The following LIPC variants were observed in gnomAD, a reference collection of about 807,000 sequenced individuals.
LIPC encodes hepatic triacylglycerol lipase.
A neutral mutation model predicts 50.7 loss-of-function variants in LIPC; 44 were observed. That is an observed-to-expected ratio of 0.87 (90% CI 0.68 to 1.11). The LOEUF (loss-of-function observed/expected upper bound fraction) is 1.11. Ranked by LOEUF, LIPC falls within the 50% of genes most tolerant of loss-of-function variation. The pLI is 0.00. For synonymous variants in LIPC, 271 were observed against 256.4 expected, an observed-to-expected ratio of 1.06 and a Z score of -0.54; for missense variants, 697 against 648.2, an observed-to-expected ratio of 1.08 and a Z score of -0.82.
At chr15:58,432,640 G>A (rs1456292345) in intron 1 of LIPC, among the ~76,000 whole-genome samples, 1 of 152,190 alleles carries the variant, frequency 6.6e-6, no homozygotes, top group Non-Finnish European at 1.5e-5. Context: ...ATTTTAGTCT[G>A]AGGCTGAAGA....
chr15:58,450,886 C>T (rs555501480), intron 1 of LIPC, among the ~76,000 whole-genome samples: 86 of 152,334 alleles, frequency 5.6e-4, no homozygotes, highest in Non-Finnish European at 8.4e-4. Context: ...TAAAGGGGTA[C>T]AGTCTAAGGA....
At chr15:58,515,533 C>CACATAT (rs147594972) in intron 1 of LIPC, among the ~76,000 whole-genome samples, 5,539 of 141,464 alleles carry the variant, frequency 0.039, 203 homozygotes, top group African/African-American at 0.096. Flanking sequence ...TATACACACA[C>CACATAT]ATATATATAT....
At chr15:58,462,933 A>G (rs1894408810) in intron 1 of LIPC, among the ~76,000 whole-genome samples, 1 of 152,226 alleles carries the variant, frequency 6.6e-6, no homozygotes, top group Non-Finnish European at 1.5e-5. Flanking sequence ...AGCACTGCAC[A>G]GGCTGTGGAT....
At chr15:58,463,744 C>T (rs1037710249) in intron 1 of LIPC, among the ~76,000 whole-genome samples, 1 of 152,178 alleles carries the variant, frequency 6.6e-6, no homozygotes, top group East Asian at 1.9e-4. Context: ...GTCAGTTTTC[C>T]ACTTTTCCAT....
Position 58,493,753 on chromosome 15 carries a change from TATA to T in LIPC, c.89-44576_89-44574del, listed in dbSNP as rs1413118991. ...AATATTTTTTAAATGTTAATATATC[TATA>T]ATATTTATATATTTGAATATATAAG... On this transcript the variant is annotated intron_variant, in intron 1 of 8. Transcript: ENST00000299022. Among the ~76,000 whole-genome samples, 4 of 148,610 alleles carry T rather than the reference TATA, an allele frequency of 2.7e-5. No homozygotes were observed. The East Asian group carries it at 5.8e-4, about 22-fold the overall frequency.
intron 1 of LIPC, among the ~76,000 whole-genome samples, chr15:58,443,757 G>A (rs1217764950): frequency 6.6e-6 from 1 of 152,220 alleles, no homozygotes; most frequent in African/African-American, 2.4e-5. Context: ...CAGGCGGGCT[G>A]AGTCTGAAAA....
intron 8 of LIPC, chr15:58,565,429 C>T (rs867729837): frequency 6.9e-5 from 99 of 1,429,202 alleles, no homozygotes; most frequent in African/African-American, 6.7e-4. Flanking sequence ...CCATGTGGTA[C>T]GGAAGAAGAA....
chr15:58,481,739 C>T (rs558411458), intron 1 of LIPC, among the ~76,000 whole-genome samples: 3 of 152,176 alleles, frequency 2.0e-5, no homozygotes, highest in Non-Finnish European at 4.4e-5. Flanking sequence ...GCAGAGGTTA[C>T]GGTGAGCCGA....
chr15:58,467,763 C>T (rs912535345), intron 1 of LIPC, among the ~76,000 whole-genome samples: 1 of 152,158 alleles, frequency 6.6e-6, no homozygotes. Flanking sequence ...CTCACTGTTG[C>T]GCAGTGGTTT....
At chr15:58,552,050 T>C (rs1893781689) in intron 6 of LIPC, among the ~76,000 whole-genome samples, 1 of 152,184 alleles carries the variant, frequency 6.6e-6, no homozygotes, top group Non-Finnish European at 1.5e-5. Flanking sequence ...CTTTACCAGT[T>C]TGGGAGCCTG....
chr15:58,436,721 A>G (rs1305495732), intron 1 of LIPC: 1 of 456,158 alleles, frequency 2.2e-6, no homozygotes, highest in Non-Finnish European at 4.4e-6. Context: ...TGAGAGAGGA[A>G]TGAGTAGAGA....
At chr15:58,504,242 G>C (rs1190207727) in intron 1 of LIPC, among the ~76,000 whole-genome samples, 1 of 152,160 alleles carries the variant, frequency 6.6e-6, no homozygotes, top group Non-Finnish European at 1.5e-5. Context: ...CCCCATCTGG[G>C]GTTGTAACCT....
intron 7 of LIPC, among the ~76,000 whole-genome samples, chr15:58,562,811 C>CCT (rs879508987): frequency 3.3e-5 from 5 of 151,734 alleles, no homozygotes; most frequent in African/African-American, 1.2e-4. Context: ...AGGGACCCCC[C>CCT]CCCAACCCCA....
chr15:58,498,214 CT>C (rs1891842877), intron 1 of LIPC, among the ~76,000 whole-genome samples: 1 of 152,190 alleles, frequency 6.6e-6, no homozygotes, highest in African/African-American at 2.4e-5. Flanking sequence ...ATAGTCTCCC[CT>C]ATCTCAAATC....
intron 8 of LIPC, among the ~76,000 whole-genome samples, chr15:58,564,843 G>A (rs564326543): frequency 2.0e-5 from 3 of 152,242 alleles, no homozygotes; most frequent in East Asian, 1.9e-4. Flanking sequence ...CGTGCTTTTC[G>A]GTCATCCGTG....
chr15:58,568,537 A>G (rs1213819127), intron 8 of LIPC, among the ~76,000 whole-genome samples, 179 bp from the exon 9 acceptor site: 1 of 152,240 alleles, frequency 6.6e-6, no homozygotes, highest in East Asian at 1.9e-4. Flanking sequence ...GATGGCTTTC[A>G]CTGACTTGGG....
intron 1 of LIPC, among the ~76,000 whole-genome samples, chr15:58,537,167 C>A (rs958366165): frequency 6.6e-6 from 1 of 152,198 alleles, no homozygotes; most frequent in Non-Finnish European, 1.5e-5. Flanking sequence ...AGAAAAGATG[C>A]GCCCATCTTG....
intron 8 of LIPC, 167 bp downstream of exon 8, chr15:58,563,890 C>T: frequency 1.5e-6 from 1 of 676,478 alleles, no homozygotes; most frequent in Non-Finnish European, 2.7e-6. Flanking sequence ...CTTTACACAG[C>T]CACAGGTGCC....
chr15:58,515,033 C>T (rs1892442902), intron 1 of LIPC, among the ~76,000 whole-genome samples: 1 of 152,144 alleles, frequency 6.6e-6, no homozygotes, highest in Admixed American at 6.5e-5. Context: ...TAGAGGCCAC[C>T]TACGTTCCTT....
Sources: allele counts gnomAD v4.1 joint callset (sites outside exome capture counted in the v4.1 genomes callset), GRCh38; gene constraint gnomAD v4.1.1; transcripts MANE v1.5; gene names NCBI Gene and HGNC (gene_info 2026-07-23, HGNC 2026-07-21).